Variants in ELP4 observed in about 807,000 individuals in gnomAD.
ELP4 encodes the protein elongator complex protein 4.
Under a neutral mutation model 48.9 loss-of-function variants are expected in ELP4, and 51 were observed. The observed-to-expected ratio is 1.04, with a 90% CI of 0.83 to 1.32. The LOEUF (loss-of-function observed/expected upper bound fraction) is 1.32, where lower values mean the gene tolerates loss of function less well. ELP4 is among the 40% of genes most tolerant of loss of function. The pLI, the probability that ELP4 is intolerant of heterozygous loss-of-function variation, is 0.00. For missense variants in ELP4, 519 were observed against 514.6 expected, an observed-to-expected ratio of 1.01 and a Z score of -0.08; for synonymous variants, 210 against 189.2, an observed-to-expected ratio of 1.11 and a Z score of -0.90.
chr11:31,634,549 G>A (rs1451094058), intron 7 of ELP4, among the ~76,000 whole-genome samples: 1 of 151,928 alleles, frequency 6.6e-6, no homozygotes, highest in Middle Eastern at 3.2e-3. Flanking sequence ...TTCCCATTGC[G>A]GATTTCTGTG....
chr11:31,615,556 G>A (rs1190535484), intron 5 of ELP4, among the ~76,000 whole-genome samples: 1 of 151,652 alleles, frequency 6.6e-6, no homozygotes, highest in Non-Finnish European at 1.5e-5. Context: ...CGAAAAAAAT[G>A]TAACTACTTG....
chr11:31,664,107 A>G (rs1023428197), intron 9 of ELP4: 1 of 152,146 alleles, frequency 6.6e-6, no homozygotes, highest in African/African-American at 2.4e-5. Context: ...CACACTAGCT[A>G]TTCTTGTTTC....
rs145317556 is a variant in ELP4 at position 31,620,522 on chromosome 11, C to T, written c.654-6588C>T. Among the ~76,000 whole-genome samples the T allele has an allele frequency of 7.7e-4, 117 of 151,890 alleles. 1 individual carries two copies. Among genetic ancestry groups the T allele is most frequent in the African/African-American group, 2.5e-3 (105 of 41,444 alleles). ...GATAATTACATGGTCTAAAAAACAA[C>T]CATGGGGATGATCAACTTAAATAGA... On this transcript the variant is annotated intron_variant, in intron 5 of 9. Coordinates refer to ENST00000640961, the MANE Select transcript of ELP4 (RefSeq NM_019040.5).
chr11:31,673,252 G>A (rs1379463164), intron 9 of ELP4, among the ~76,000 whole-genome samples: 1 of 152,088 alleles, frequency 6.6e-6, no homozygotes, highest in Non-Finnish European at 1.5e-5. Flanking sequence ...CCTGACCTCA[G>A]GTGATCCACC....
intron 9 of ELP4, chr11:31,763,675 C>A: frequency 3.0e-6 from 3 of 1,014,558 alleles, no homozygotes; most frequent in Non-Finnish European, 4.0e-6. Context: ...ACCTTTTTAC[C>A]AAAGATTAAA....
At chr11:31,616,648 T>TA (rs1490254641) in intron 5 of ELP4, among the ~76,000 whole-genome samples, 9 of 151,972 alleles carry the variant, frequency 5.9e-5, no homozygotes, top group Non-Finnish European at 1.3e-4. Flanking sequence ...TAAGAAATGG[T>TA]AAAAAATATT....
intron 9 of ELP4, among the ~76,000 whole-genome samples, chr11:31,737,091 G>A (rs1947336788): frequency 6.6e-6 from 1 of 152,184 alleles, no homozygotes; most frequent in South Asian, 2.1e-4. Flanking sequence ...TGATAGACTG[G>A]ACGAAGAAAA....
At chr11:31,512,687 T>C (rs1238325936) in intron 1 of ELP4, 2 of 152,184 alleles carry the variant, frequency 1.3e-5, no homozygotes, top group Non-Finnish European at 2.9e-5. Flanking sequence ...AAAGGAAAGA[T>C]AGATATTCCA....
chr11:31,721,376 CAG>C (rs1946954916), intron 9 of ELP4, among the ~76,000 whole-genome samples: 1 of 151,984 alleles, frequency 6.6e-6, no homozygotes, highest in Non-Finnish European at 1.5e-5. Flanking sequence ...TTAAAAGAAA[CAG>C]AAAATTATAA....
chr11:31,783,362 T>C (rs749584670), intron 9 of ELP4, 31 bp from the exon 10 acceptor site: 4 of 1,590,744 alleles, frequency 2.5e-6, no homozygotes, highest in Admixed American at 1.8e-5. Flanking sequence ...TCTTTCTTCT[T>C]TTTTTCTTCT....
At chr11:31,730,926 A>G (rs759968737) in intron 9 of ELP4, among the ~76,000 whole-genome samples, 7 of 152,134 alleles carry the variant, frequency 4.6e-5, no homozygotes, top group African/African-American at 7.2e-5. Context: ...GAAGACCTTC[A>G]GTATATCAGA....
chr11:31,650,278 A>G (rs1945294004), intron 9 of ELP4, 57 bp downstream of exon 9: 2 of 564,358 alleles, frequency 3.5e-6, no homozygotes, highest in Non-Finnish European at 6.4e-6. Flanking sequence ...TTTTTAACTT[A>G]TTTTTACTTT....
At chr11:31,608,925 C>T (rs2134009686) in intron 5 of ELP4, among the ~76,000 whole-genome samples, 1 of 152,202 alleles carries the variant, frequency 6.6e-6, no homozygotes, top group Middle Eastern at 3.4e-3. Flanking sequence ...GGCTCTGATG[C>T]AGATAGGGCC....
At chr11:31,751,652 A>C (rs1366292568) in intron 9 of ELP4, among the ~76,000 whole-genome samples, 1 of 152,192 alleles carries the variant, frequency 6.6e-6, no homozygotes, top group Non-Finnish European at 1.5e-5. Flanking sequence ...TATCTCAAGC[A>C]TACCCTCTTT....
At chr11:31,590,857 C>T (rs891454757) in intron 3 of ELP4, among the ~76,000 whole-genome samples, 3 of 152,040 alleles carry the variant, frequency 2.0e-5, no homozygotes, top group Non-Finnish European at 2.9e-5. Context: ...ATGAGCAATC[C>T]GCCCCCATAA....
chr11:31,749,695 G>T (rs539957197), intron 9 of ELP4, among the ~76,000 whole-genome samples: 1 of 152,044 alleles, frequency 6.6e-6, no homozygotes, highest in South Asian at 2.1e-4. Flanking sequence ...GGAGCAGGGA[G>T]AAATACTGAA....
At chr11:31,751,590 T>A (rs1186645188) in intron 9 of ELP4, among the ~76,000 whole-genome samples, 4 of 152,194 alleles carry the variant, frequency 2.6e-5, no homozygotes, top group Non-Finnish European at 5.9e-5. Context: ...TCAACAAATA[T>A]TTTTTGAATG....
In ELP4 at chr11:31,523,182, A is replaced by G. The variant is rs138632112; in HGVS notation, c.259+3091A>G. ...CCACTGCATCTGGCCCCAGTTCTCT[A>G]CTTTTCTTCATTCCCAAGTCTATGT... On this transcript the variant is annotated intron_variant, in intron 2 of 9. Transcript: ENST00000640961. Among the ~76,000 whole-genome samples the G allele has an allele frequency of 3.8e-3, 577 of 152,090 alleles. 1 individual carries two copies. The highest frequency in any genetic ancestry group is 6.9e-3 in the Non-Finnish European group (471 of 67,972).
At chr11:31,704,039 T>C (rs188456216) in intron 9 of ELP4, among the ~76,000 whole-genome samples, 1 of 152,302 alleles carries the variant, frequency 6.6e-6, no homozygotes, top group East Asian at 1.9e-4. Context: ...ATTATATTTT[T>C]ATGGCCCATG....
Sources: allele counts gnomAD v4.1 joint callset (sites outside exome capture counted in the v4.1 genomes callset), GRCh38; gene constraint gnomAD v4.1.1; transcripts MANE v1.5; gene names NCBI Gene and HGNC (gene_info 2026-07-23, HGNC 2026-07-21).